STIM2: variants seen among roughly 807,000 people sequenced by gnomAD.
STIM2 encodes stromal interaction molecule 2.
A neutral mutation model predicts 85.8 loss-of-function variants in STIM2; 31 were observed. The observed-to-expected ratio is 0.36, with a 90% confidence interval of 0.27 to 0.49. The LOEUF (loss-of-function observed/expected upper bound fraction) is 0.49, where lower values mean the gene tolerates loss of function less well. Among genes scored for constraint, STIM2 ranks in the 20% least tolerant of loss-of-function variants. The pLI, the probability that STIM2 is intolerant of heterozygous loss-of-function variation, is 0.98. For synonymous variants in STIM2, 356 were observed against 331.1 expected (o/e 1.08, Z -0.82); for missense variants, 841 against 927.6 (o/e 0.91, Z 1.21).
chr4:26,867,632 A>G (rs144871402), intron 1 of STIM2, among the ~76,000 whole-genome samples: 57 of 152,340 alleles, frequency 3.7e-4, no homozygotes, highest in African/African-American at 1.3e-3. Context: ...ACTTGTTTCA[A>G]TATTAACTCC....
chr4:26,867,925 C>G (rs1722465399), intron 1 of STIM2, among the ~76,000 whole-genome samples: 2 of 152,182 alleles, frequency 1.3e-5, no homozygotes, highest in South Asian at 2.1e-4. Context: ...AACTTCATTA[C>G]TAGGAAAGTT....
intron 7 of STIM2, among the ~76,000 whole-genome samples, chr4:27,004,990 T>C (rs1383966124): frequency 1.3e-5 from 2 of 152,150 alleles, no homozygotes; most frequent in Non-Finnish European, 2.9e-5. Flanking sequence ...TTGCCTTGGG[T>C]TACACAGCTA....
chr4:27,019,674 A>G, intron 11 of STIM2: 1 of 352,028 alleles, frequency 2.8e-6, no homozygotes, highest in Non-Finnish European at 5.2e-6. Flanking sequence ...AATGTTGAAT[A>G]TTTACTGATT....
At chr4:26,897,211 C>A (rs1045784422) in intron 1 of STIM2, among the ~76,000 whole-genome samples, 3 of 152,328 alleles carry the variant, frequency 2.0e-5, no homozygotes, top group African/African-American at 2.4e-5. Flanking sequence ...CCAGACTGAT[C>A]TCCAGAGTGG....
At chr4:26,934,189 C>A (rs1403865671) in intron 2 of STIM2, among the ~76,000 whole-genome samples, 1 of 150,618 alleles carries the variant, frequency 6.6e-6, no homozygotes, top group Non-Finnish European at 1.5e-5. Flanking sequence ...GCGAGACTAT[C>A]TCAAAAAAAG....
chr4:27,007,440 C>CT (rs74272718), intron 7 of STIM2, 93 bp from the exon 8 acceptor site: 22,716 of 701,110 alleles, frequency 0.032, 18 homozygotes, highest in Non-Finnish European at 0.035. Context: ...ATTAAAATAG[C>CT]TTTTTTTTTT....
At chr4:26,995,897 T>G (rs911937392) in intron 4 of STIM2, among the ~76,000 whole-genome samples, 2 of 152,108 alleles carry the variant, frequency 1.3e-5, no homozygotes, top group Non-Finnish European at 2.9e-5. Flanking sequence ...CATCGAATTA[T>G]GGCGTCTATA....
chr4:26,898,295 T>C (rs1013127817), intron 1 of STIM2, among the ~76,000 whole-genome samples: 13 of 152,186 alleles, frequency 8.5e-5, no homozygotes, highest in African/African-American at 3.1e-4. Context: ...TTAGATTTGG[T>C]CTTAAGTTTT....
In STIM2 at chr4:27,024,345, T is replaced by C. The variant is rs1729013461; in HGVS notation, c.*1349T>C. The C allele has an allele frequency of 6.6e-6, 1 of 152,204 alleles. No individual in the cohort carries two copies. Among genetic ancestry groups the C allele is most frequent in the African/African-American group, 2.4e-5 (1 of 41,454 alleles). 9.4% of individuals were successfully genotyped at this position (152,204 alleles called of 1,614,324 possible). A position where few individuals can be genotyped will look rare whatever the true frequency, so the allele number is the denominator to read the frequency against. On this transcript the variant is annotated 3_prime_UTR_variant, in exon 12 of 12. Transcript: ENST00000467087. The stretch of plus-strand genomic sequence containing the variant: ...TTCTGCTTATACCACTTTAAAAATA[T>C]GCAATCATAAGTGATTTGGTTACTG...
rs757964892 is a variant in STIM2, at chr4:27,003,025, C to T, written c.902C>T (p.Ala301Val). ...GAAATCAATTATGCAAAGGAGGAGGCTTGTCGGCTGAGAGAGCTAAGGGAG... is the reference window on the plus strand; with the variant it reads ...GAAATCAATTATGCAAAGGAGGAGGTTTGTCGGCTGAGAGAGCTAAGGGAG... Residue 301 changes from alanine (A) to valine (V), a missense_variant, in exon 7 of 12, where the codon GCT becomes GTT. Around this residue, in one of 3 missense-constraint regions of STIM2, gnomAD observed 408 missense variants for 525.4 expected, o/e 0.78. Transcript: ENST00000467087. 6.2e-7 allele frequency: 1 copy of T among 1,603,458 alleles called. No individual in the cohort carries two copies. Among genetic ancestry groups the T allele is most frequent in the Non-Finnish European group, 8.5e-7 (1 of 1,176,222 alleles).
chr4:26,995,515 T>A, intron 4 of STIM2, 25 bp downstream of exon 4: 1 of 1,471,872 alleles, frequency 6.8e-7, no homozygotes, highest in South Asian at 1.2e-5. Flanking sequence ...TGCAAATGTA[T>A]TTTCCACTCA....
intron 1 of STIM2, among the ~76,000 whole-genome samples, chr4:26,884,769 G>A (rs1723151493): frequency 6.6e-6 from 1 of 152,188 alleles, no homozygotes; most frequent in East Asian, 1.9e-4. Flanking sequence ...TGTTCTGAAT[G>A]CTTCACATGA....
At chr4:26,887,592 C>G (rs548165816) in intron 1 of STIM2, among the ~76,000 whole-genome samples, 81 of 152,194 alleles carry the variant, frequency 5.3e-4, no homozygotes, top group African/African-American at 1.9e-3. Context: ...TCTTTGGGTT[C>G]TAGATGTATC....
chr4:26,933,625 G>A (rs1725281165), intron 2 of STIM2, among the ~76,000 whole-genome samples: 1 of 150,758 alleles, frequency 6.6e-6, no homozygotes. Context: ...TTTGCAGAGG[G>A]TGGTAGCACA....
intron 10 of STIM2, 99 bp from the exon 11 acceptor site, chr4:27,017,612 C>A (rs1266436261): frequency 1.3e-5 from 19 of 1,411,832 alleles, no homozygotes; most frequent in Non-Finnish European, 9.8e-7. Flanking sequence ...GAAACAGTGA[C>A]ATATTAGTGA....
At chr4:26,921,218 A>G (rs530580931) in intron 2 of STIM2, among the ~76,000 whole-genome samples, 1 of 152,316 alleles carries the variant, frequency 6.6e-6, no homozygotes, top group East Asian at 1.9e-4. Context: ...ATTGCTGCCA[A>G]TACCAGAAGC....
chr4:26,986,276 A>G (rs997623172), intron 3 of STIM2, among the ~76,000 whole-genome samples: 3 of 152,232 alleles, frequency 2.0e-5, no homozygotes, highest in African/African-American at 7.2e-5. Context: ...TGGTACTACT[A>G]TTATTAACAT....
intron 1 of STIM2, among the ~76,000 whole-genome samples, chr4:26,917,053 A>G (rs1054940192): frequency 2.0e-5 from 3 of 152,324 alleles, no homozygotes; most frequent in African/African-American, 7.2e-5. Flanking sequence ...AAATATGTTC[A>G]GCTAAAATGG....
intron 2 of STIM2, among the ~76,000 whole-genome samples, chr4:26,941,707 CCT>C (rs1275422815): frequency 6.6e-6 from 1 of 150,608 alleles, no homozygotes; most frequent in Non-Finnish European, 1.5e-5. Context: ...TCTTAAAGAT[CCT>C]AAGAGATGAG....
Sources: gnomAD v4.1 joint callset for allele counts (sites outside exome capture counted in the v4.1 genomes callset) on GRCh38, gnomAD v4.1.1 for gene constraint, gnomAD v4.1.1 regional missense constraint, MANE v1.5 for transcripts, NCBI Gene and HGNC (gene_info 2026-07-23, HGNC 2026-07-21) for gene names.